DYM: variants seen among roughly 807,000 people sequenced by gnomAD.
DYM encodes dymeclin, also known as dyggve-Melchior-Clausen syndrome protein.
In DYM, 78 loss-of-function variants were observed where a neutral mutation model predicts 93.1. The observed-to-expected ratio is 0.84, with a 90% CI of 0.70 to 1.01. The LOEUF (loss-of-function observed/expected upper bound fraction) is 1.01, where lower values mean the gene tolerates loss of function less well. Among genes scored for constraint, DYM ranks in the 50% least tolerant of loss-of-function variants. The pLI is 0.00. For missense variants in DYM, 789 were observed against 845.0 expected, an observed-to-expected ratio of 0.93 and a Z score of 0.82; for synonymous variants, 321 against 319.7, an observed-to-expected ratio of 1.00 and a Z score of -0.04.
At chr18:49,088,127 C>T (rs994089359) in intron 17 of DYM, among the ~76,000 whole-genome samples, 1 of 151,968 alleles carries the variant, frequency 6.6e-6, no homozygotes, top group Non-Finnish European at 1.5e-5. Flanking sequence ...TAATTAGATC[C>T]CATTTGTCAA....
chr18:49,088,380 C>T (rs900623866), intron 17 of DYM, among the ~76,000 whole-genome samples: 1 of 151,916 alleles, frequency 6.6e-6, no homozygotes, highest in African/African-American at 2.4e-5. Context: ...GAATCCTTTC[C>T]CCATTTCACA....
chr18:49,392,681 T>TTAAAAA (rs1452175055), intron 2 of DYM, among the ~76,000 whole-genome samples: 7 of 68,470 alleles, frequency 1.0e-4, no homozygotes, highest in Non-Finnish European at 1.7e-4. Flanking sequence ...GGCTTTTATT[T>TTAAAAA]AAAAAAAAAA....
At chr18:49,074,745 T>C (rs1486437139) in intron 17 of DYM, among the ~76,000 whole-genome samples, 1 of 152,184 alleles carries the variant, frequency 6.6e-6, no homozygotes, top group Admixed American at 6.5e-5. Flanking sequence ...AGCTGAGACC[T>C]CTACTTAATC....
At chr18:49,452,317 T>C (rs1012192631) in intron 1 of DYM, among the ~76,000 whole-genome samples, 4 of 151,756 alleles carry the variant, frequency 2.6e-5, no homozygotes, top group Non-Finnish European at 5.9e-5. Context: ...TTGCAAAGAG[T>C]GAAAGAACAA....
intron 14 of DYM, among the ~76,000 whole-genome samples, chr18:49,202,424 G>T (rs1448230019): frequency 2.0e-5 from 3 of 147,434 alleles, no homozygotes; most frequent in African/African-American, 7.6e-5. Flanking sequence ...CCCCGTCTGG[G>T]AAGTGAGGAG....
intron 17 of DYM, among the ~76,000 whole-genome samples, chr18:49,082,352 T>C (rs1189867678): frequency 3.3e-5 from 5 of 152,256 alleles, no homozygotes; most frequent in Admixed American, 6.5e-5. Flanking sequence ...GTGTTTCATA[T>C]TATATGTTCA....
chr18:49,314,201 G>A (rs1463151852), intron 8 of DYM, among the ~76,000 whole-genome samples: 1 of 152,200 alleles, frequency 6.6e-6, no homozygotes, highest in Admixed American at 6.5e-5. Flanking sequence ...AATTTTGCCA[G>A]TTTTCAAAAA....
At chr18:49,237,934 G>A (rs1246709998) in intron 13 of DYM, among the ~76,000 whole-genome samples, 1 of 147,134 alleles carries the variant, frequency 6.8e-6, no homozygotes, top group Non-Finnish European at 1.5e-5. Flanking sequence ...CACACTACTA[G>A]ATCAATGTAC....
intron 14 of DYM, among the ~76,000 whole-genome samples, chr18:49,194,469 G>A (rs1401989219): frequency 1.3e-5 from 2 of 152,104 alleles, no homozygotes; most frequent in African/African-American, 2.4e-5. Context: ...ATTTCATATC[G>A]TTCTTTCCTA....
intron 8 of DYM, among the ~76,000 whole-genome samples, chr18:49,289,772 T>TATACAC (rs1555678772): frequency 2.7e-5 from 1 of 36,640 alleles, no homozygotes; most frequent in African/African-American, 1.3e-4. Context: ...TATATATATA[T>TATACAC]ACACATATAT....
chr18:49,382,633 T>C (rs2068161378), intron 3 of DYM, among the ~76,000 whole-genome samples: 1 of 151,120 alleles, frequency 6.6e-6, no homozygotes, highest in Non-Finnish European at 1.5e-5. Context: ...CTGACGAAGT[T>C]CAAATCTCAG....
chr18:49,387,625 A>G (rs1277787418), intron 3 of DYM, among the ~76,000 whole-genome samples: 1 of 152,188 alleles, frequency 6.6e-6, no homozygotes, highest in African/African-American at 2.4e-5. Context: ...ATGACTCATT[A>G]AAGTCTCAGA....
chr18:49,256,658 C>T (rs1384460603), intron 13 of DYM, among the ~76,000 whole-genome samples: 1 of 152,194 alleles, frequency 6.6e-6, no homozygotes, highest in African/African-American at 2.4e-5. Flanking sequence ...CTAAAACGCA[C>T]ACAGATAAAT....
intron 14 of DYM, among the ~76,000 whole-genome samples, chr18:49,194,673 T>C (rs1016641560): frequency 2.0e-5 from 3 of 151,348 alleles, no homozygotes. Flanking sequence ...AATCTAAAAT[T>C]TATTCTGGGT....
intron 15 of DYM, among the ~76,000 whole-genome samples, chr18:49,137,562 G>A (rs899421119): frequency 6.6e-6 from 1 of 152,118 alleles, no homozygotes; most frequent in African/African-American, 2.4e-5. Flanking sequence ...TAGAAACCCT[G>A]CCATCCCCTA....
chr18:49,251,382 A>G (rs914736002), intron 13 of DYM, among the ~76,000 whole-genome samples: 2 of 152,214 alleles, frequency 1.3e-5, no homozygotes, highest in Admixed American at 6.5e-5. Context: ...GTACAACTTC[A>G]GGGTCCAGTA....
chr18:49,360,350 C>T (rs1044222906), intron 6 of DYM, among the ~76,000 whole-genome samples: 11 of 151,080 alleles, frequency 7.3e-5, no homozygotes, highest in African/African-American at 2.7e-4. Context: ...TAGGGCTGAG[C>T]GTGGTGGCTC....
At chr18:49,292,332 GCAGGCAGA>G (rs61272721) in intron 8 of DYM, among the ~76,000 whole-genome samples, 2,235 of 112,832 alleles carry the variant, frequency 0.02, 75 homozygotes, top group East Asian at 0.041. Flanking sequence ...AGGCAGGCAG[GCAGGCAGA>G]CAGACAGACA....
intron 16 of DYM, among the ~76,000 whole-genome samples, chr18:49,113,537 A>T (rs1390674436): frequency 6.6e-6 from 1 of 152,200 alleles, no homozygotes; most frequent in Non-Finnish European, 1.5e-5. Flanking sequence ...GAGTGCTGCT[A>T]AATGTCTTAA....
Sources: allele counts gnomAD v4.1 joint callset (sites outside exome capture counted in the v4.1 genomes callset), GRCh38; gene constraint gnomAD v4.1.1; transcripts MANE v1.5; gene names NCBI Gene and HGNC (gene_info 2026-07-23, HGNC 2026-07-21).